The following GMPS variants were observed in gnomAD, a reference collection of about 807,000 sequenced individuals.
GMPS encodes GMP synthase [glutamine-hydrolyzing].
GMPS carries 15 observed loss-of-function variants against 77.9 expected under a neutral mutation model. The ratio of observed to expected loss-of-function variants is 0.19; its 90% CI spans 0.13 to 0.30. The LOEUF (loss-of-function observed/expected upper bound fraction) is 0.30. GMPS is among the 10% of genes least tolerant of loss of function. The probability of loss-of-function intolerance (pLI) is 1.00; values close to 1 mark genes in which losing one functional copy is unlikely to be tolerated. For missense variants in GMPS, 590 were observed against 838.8 expected (o/e 0.70, Z 3.66); for synonymous variants, 224 against 275.9 (o/e 0.81, Z 1.86).
In GMPS at chr3:155,918,439, G is replaced by A. The variant is rs532688580; in HGVS notation, c.1213-794G>A. On this transcript the variant is annotated intron_variant, in intron 9 of 15. Transcript: ENST00000496455. ...TGCACTCCCGCCTGAGCGACAGAGC[G>A]AGACTCTGTCTTAAAAAAAAGTAAA... 3.3e-5 allele frequency among the ~76,000 whole-genome samples: 5 copies of A among 152,284 alleles called. No individual in the cohort carries two copies. The South Asian group carries it at 6.2e-4, about 19-fold the overall frequency.
At position 155,878,359 on chromosome 3, in the gene GMPS, A is replaced by C. The variant is rs552819910; in HGVS notation, c.27+7462A>C. Among the ~76,000 whole-genome samples, 3 of 152,354 alleles carry C rather than the reference A, an allele frequency of 2.0e-5. No individual in the cohort carries two copies. The South Asian group carries it at 6.2e-4, about 32-fold the overall frequency. On this transcript the variant is annotated intron_variant, in intron 1 of 15. Transcript: ENST00000496455. ...ACTTTATTCCTTTTTATTACCTGCT[A>C]ATATTCCATTGTATGTATACCACCT...
At chr3:155,890,423 T>A (rs981477959) in intron 1 of GMPS, among the ~76,000 whole-genome samples, 1 of 152,208 alleles carries the variant, frequency 6.6e-6, no homozygotes, top group African/African-American at 2.4e-5. Context: ...TCTTTAAAAA[T>A]TTTTGTTAAA....
At chr3:155,886,188 T>C (rs1243223825) in intron 1 of GMPS, among the ~76,000 whole-genome samples, 1 of 152,106 alleles carries the variant, frequency 6.6e-6, no homozygotes, top group Non-Finnish European at 1.5e-5. Context: ...TTCATAATTG[T>C]AGGAATAATA....
chr3:155,922,680 A>G (rs1311920977), intron 11 of GMPS, among the ~76,000 whole-genome samples: 1 of 152,166 alleles, frequency 6.6e-6, no homozygotes, highest in African/African-American at 2.4e-5. Context: ...GGTTTTTACA[A>G]TTTCATTCAT....
At position 155,938,446 on chromosome 3, in the gene GMPS, C is replaced by T. The variant is rs1467621305; in HGVS notation, c.*754C>T. On this transcript the variant is annotated 3_prime_UTR_variant, in exon 16 of 16. Coordinates refer to ENST00000496455, the MANE Select transcript of GMPS (RefSeq NM_003875.3). ...TATCCTCCTAGCCTTATATTACCAG[C>T]CCCCCACAGCCTTGCATAGAAAGTT... 3 of 211,080 alleles carry T rather than the reference C, an allele frequency of 1.4e-5. No homozygotes were observed. Among genetic ancestry groups the T allele is most frequent in the Non-Finnish European group, 1.9e-5 (2 of 104,076 alleles). 13.1% of individuals were successfully genotyped at this position (211,080 alleles called of 1,614,324 possible).
intron 1 of GMPS, among the ~76,000 whole-genome samples, chr3:155,885,984 C>A (rs1045095159): frequency 5.9e-5 from 9 of 152,010 alleles, no homozygotes; most frequent in African/African-American, 2.2e-4. Context: ...CCATGCCTGG[C>A]TAATTTTTCT....
At chr3:155,935,652 T>C (rs1161913186) in intron 14 of GMPS, among the ~76,000 whole-genome samples, 1 of 152,258 alleles carries the variant, frequency 6.6e-6, no homozygotes, top group African/African-American at 2.4e-5. Context: ...GCTCTCATAA[T>C]GTGAACAAGT....
chr3:155,872,577 A>T (rs916799264), intron 1 of GMPS, among the ~76,000 whole-genome samples: 1 of 152,328 alleles, frequency 6.6e-6, no homozygotes, highest in Non-Finnish European at 1.5e-5. Flanking sequence ...AAACTAAGTG[A>T]CAGAAAAGTA....
In GMPS at chr3:155,916,064, G is replaced by T. The variant is rs199968845; in HGVS notation, c.1084G>T (p.Val362Phe). 1.2e-6 allele frequency: 2 copies of T among 1,613,552 alleles called. No individual in the cohort carries two copies. The highest frequency in any genetic ancestry group is 1.7e-6 in the Non-Finnish European group (2 of 1,179,560). The change falls in exon 9 of 16, where the codon GTT becomes TTT. Residue 362 changes from valine to phenylalanine, a missense_variant. By Grantham distance (50) the Val-to-Phe change is conservative. Transcript: ENST00000496455. ...AGAAATGAACTTGAAACCAGAGGAG[G>T]TTTTCCTTGCCCAAGGTACTTTACG... ...IGEMNLKPEE[V>F]FLAQGTLRPD... is the part of the protein sequence containing the mutation.
chr3:155,899,165 C>T (rs1456609702), intron 3 of GMPS, among the ~76,000 whole-genome samples: 1 of 152,074 alleles, frequency 6.6e-6, no homozygotes, highest in Non-Finnish European at 1.5e-5. Flanking sequence ...GTCGGGAGTT[C>T]GAGACCAGCC....
At chr3:155,883,695 A>G (rs1754264760) in intron 1 of GMPS, among the ~76,000 whole-genome samples, 1 of 152,158 alleles carries the variant, frequency 6.6e-6, no homozygotes, top group African/African-American at 2.4e-5. Flanking sequence ...ACATACTTAA[A>G]ATCACCTTCA....
In GMPS at chr3:155,940,737, A is replaced by ATTT; in HGVS notation, c.*3045_*3046insTTT. 1 of 157,094 alleles carries ATTT rather than the reference A, an allele frequency of 6.4e-6. No homozygotes were observed. Among genetic ancestry groups the ATTT allele is most frequent in the Non-Finnish European group, 1.2e-5 (1 of 83,598 alleles). 9.7% of individuals were successfully genotyped at this position (157,094 alleles called of 1,614,324 possible). On this transcript the variant is annotated 3_prime_UTR_variant, in exon 16 of 16. Transcript: ENST00000496455. ...AGGAGACAGAATGGAGAAGCTGGAT[A>ATTT]GTGTTTTTTTTTTTTTTTTTTAAGG...
rs1048430587 is a variant in GMPS, at chr3:155,943,589, T to G, written c.*5897T>G. 5.6e-6 allele frequency: 1 copy of G among 178,858 alleles called. No individual in the cohort carries two copies. The highest frequency in any genetic ancestry group is 1.2e-5 in the Non-Finnish European group (1 of 83,306). 11.1% of individuals were successfully genotyped at this position (178,858 alleles called of 1,614,324 possible). A position where few individuals can be genotyped will look rare whatever the true frequency, so the allele number is the denominator to read the frequency against. On this transcript the variant is annotated 3_prime_UTR_variant, in exon 16 of 16. Coordinates refer to ENST00000496455, the MANE Select transcript of GMPS (RefSeq NM_003875.3). ...TTAATTGGAGTAAGTAGTATTGTTA[T>G]GAAATCACTGTGTAATTGTTAATTG...
chr3:155,888,777 G>T (rs1754397860), intron 1 of GMPS, among the ~76,000 whole-genome samples: 2 of 152,084 alleles, frequency 1.3e-5, no homozygotes, highest in Admixed American at 6.6e-5. Flanking sequence ...TAGAAATGGG[G>T]TTTTACCACG....
rs960525669 is a variant in GMPS, at chr3:155,938,725, T to A, written c.*1033T>A. 4.9e-6 allele frequency: 1 copy of A among 204,856 alleles called. No homozygotes were observed. Among genetic ancestry groups the A allele is most frequent in the Non-Finnish European group, 1.0e-5 (1 of 100,044 alleles). The allele number at this position is 204,856 out of a possible 1,614,324, so 12.7% of individuals were successfully genotyped here. A position where few individuals can be genotyped will look rare whatever the true frequency, so the allele number is the denominator to read the frequency against. ...TCATTGCTCAGACACCTGTGAACAG[T>A]CTTGATACATGCAAGATGTTTGCCA... On this transcript the variant is annotated 3_prime_UTR_variant, in exon 16 of 16. Coordinates refer to ENST00000496455, the MANE Select transcript of GMPS (RefSeq NM_003875.3).
chr3:155,928,626 A>G (rs9631467), intron 12 of GMPS, among the ~76,000 whole-genome samples: 133,309 of 148,290 alleles, frequency 0.9, 60,083 homozygotes, highest in East Asian at 0.96. Flanking sequence ...ATGCTGGTGC[A>G]CCGCACCCAC....
intron 1 of GMPS, among the ~76,000 whole-genome samples, chr3:155,886,335 G>A (rs1403131848): frequency 6.6e-6 from 1 of 151,096 alleles, no homozygotes; most frequent in Admixed American, 6.6e-5. Context: ...CAGCACTTTG[G>A]GAGGCCGAGG....
chr3:155,936,820 A>G (rs528234675), intron 15 of GMPS, among the ~76,000 whole-genome samples: 5 of 152,326 alleles, frequency 3.3e-5, no homozygotes, highest in Admixed American at 2.6e-4. Context: ...AGGAGTGAAG[A>G]AGAGTTTGTT....
At chr3:155,908,335 C>T (rs897522885) in intron 5 of GMPS, among the ~76,000 whole-genome samples, 2 of 152,214 alleles carry the variant, frequency 1.3e-5, no homozygotes, top group Admixed American at 6.5e-5. Flanking sequence ...GTGGTGACCT[C>T]GGATTCAATC....
Sources: allele counts gnomAD v4.1 joint callset (sites outside exome capture counted in the v4.1 genomes callset), GRCh38; gene constraint gnomAD v4.1.1; transcripts MANE v1.5; gene names NCBI Gene and HGNC (gene_info 2026-07-23, HGNC 2026-07-21).